The following PKDCC variants were observed in gnomAD, a reference collection of about 807,000 sequenced individuals.
PKDCC encodes protein kinase domain containing, cytoplasmic, also known as extracellular tyrosine-protein kinase PKDCC.
In PKDCC, 35 loss-of-function variants were observed where a neutral mutation model predicts 44.7. The ratio of observed to expected loss-of-function variants is 0.78; its 90% CI spans 0.60 to 1.04. The LOEUF is 1.04. PKDCC is among the 50% of genes least tolerant of loss of function. The probability of loss-of-function intolerance (pLI) is 0.00; values close to 1 mark genes in which losing one functional copy is unlikely to be tolerated. For synonymous variants in PKDCC, 353 were observed against 303.3 expected (o/e 1.16, Z -1.70); for missense variants, 738 against 672.7 (o/e 1.10, Z -1.07).
Position 42,058,126 on chromosome 2 carries a change from G to A in PKDCC, c.*438G>A, listed in dbSNP as rs907144739. The A allele has an allele frequency of 2.3e-5, 4 of 177,244 alleles. No homozygotes were observed. The highest frequency in any genetic ancestry group is 5.7e-5 in the Admixed American group (1 of 17,600). 11.0% of individuals were successfully genotyped at this position (177,244 alleles called of 1,614,324 possible). ...CTGCGTGGGGACAATCCATCGTGGA[G>A]TGTTCTCTCAGCTTAGGTCTGGACA... is the stretch of plus-strand genomic sequence containing the variant. On this transcript the variant is annotated 3_prime_UTR_variant, in exon 7 of 7. Transcript: ENST00000294964. The surrounding 1 kb of genome is among the most constrained non-coding windows in gnomAD (Gnocchi z 4.2).
At position 42,048,206 on chromosome 2, in the gene PKDCC, C is replaced by T. The variant is rs1346687208; in HGVS notation, c.7C>T (p.Arg3Cys). The change falls in exon 1 of 7, where the codon CGC (arginine) becomes TGC (cysteine). Residue 3 changes from arginine (R) to cysteine (C), a missense_variant. Arg to Cys is a radical substitution (Grantham distance 180). Coordinates refer to ENST00000294964, the MANE Select transcript of PKDCC (RefSeq NM_138370.3). The surrounding 1 kb of genome is among the most constrained non-coding windows in gnomAD (Gnocchi z 6.2). ...GGCCGGGGGGAGGGGAGCGATGCGG[C>T]GCCGGCGGGCGGCAGTGGCCGCGGG... MR[R>C]RRAAVAAGFC... 1.7e-6 allele frequency: 2 copies of T among 1,183,050 alleles called. No individual in the cohort carries two copies. Among genetic ancestry groups the T allele is most frequent in the Admixed American group, 3.9e-5 (1 of 25,854 alleles). The allele number at this position is 1,183,050 out of a possible 1,614,324, so 73.3% of individuals were successfully genotyped here.
rs1488419464 is a variant in PKDCC, at chr2:42,054,693, G to A, written c.1035-248G>A. On this transcript the variant is annotated intron_variant, in intron 3 of 6. Transcript: ENST00000294964. The surrounding 1 kb of genome is among the most constrained non-coding windows in gnomAD (Gnocchi z 6.1). ...TCAGGGGATAATGTGGGGCTGGGAG[G>A]TGGGCAAGTCCTGGGAAGGGTTGGG... 26 of 576,266 alleles carry A rather than the reference G, an allele frequency of 4.5e-5. No homozygotes were observed. Among genetic ancestry groups the A allele is most frequent in the Non-Finnish European group, 4.6e-5 (15 of 324,236 alleles). 35.7% of individuals were successfully genotyped at this position (576,266 alleles called of 1,614,324 possible). A position where few individuals can be genotyped will look rare whatever the true frequency, so the allele number is the denominator to read the frequency against.
rs1572762438 is a variant in PKDCC, at chr2:42,055,088, A to T, written c.1114+68A>T. 1 of 1,489,600 alleles carries T rather than the reference A, an allele frequency of 6.7e-7. No homozygotes were observed. Among genetic ancestry groups the T allele is most frequent in the South Asian group, 1.1e-5 (1 of 87,554 alleles). The allele number at this position is 1,489,600 out of a possible 1,614,324, so 92.3% of individuals were successfully genotyped here. ...CCCCCACCCGCCAGCAAAAGTGGGG[A>T]GAAAAATAACCCAGGGCAGCAGGGG... On this transcript the variant is annotated intron_variant, in intron 4 of 6. Coordinates refer to ENST00000294964, the MANE Select transcript of PKDCC (RefSeq NM_138370.3). This position sits in a 1 kb window ranked among gnomAD's most constrained non-coding sequence, Gnocchi z 4.5.
chr2:42,050,107 C>G (rs530533537), intron 1 of PKDCC, among the ~76,000 whole-genome samples: 10 of 152,198 alleles, frequency 6.6e-5, no homozygotes, highest in Non-Finnish European at 1.3e-4. Flanking sequence ...TCCCCCTCCC[C>G]CATCGTATTC....
At position 42,055,829 on chromosome 2, in the gene PKDCC, T is replaced by C. The variant is rs1668045500; in HGVS notation, c.1222+436T>C. ...TATGACACAGCTGGAACGCAGTATATGTTTGCTTCCCTTTCCTTCCTCTAA... is the reference window on the plus strand; with the variant it reads ...TATGACACAGCTGGAACGCAGTATACGTTTGCTTCCCTTTCCTTCCTCTAA... On this transcript the variant is annotated intron_variant, in intron 5 of 6. Coordinates refer to ENST00000294964, the MANE Select transcript of PKDCC (RefSeq NM_138370.3). The surrounding 1 kb of genome is among the most constrained non-coding windows in gnomAD (Gnocchi z 4.5). Among the ~76,000 whole-genome samples the C allele has an allele frequency of 6.6e-6, 1 of 152,186 alleles. No homozygotes were observed. Among genetic ancestry groups the C allele is most frequent in the Non-Finnish European group, 1.5e-5 (1 of 68,026 alleles).
At position 42,048,051 on chromosome 2, in the gene PKDCC, G is replaced by C. The variant is rs535138343; in HGVS notation, c.-149G>C. 203 of 276,220 alleles carry C rather than the reference G, an allele frequency of 7.3e-4. No homozygotes were observed. Among genetic ancestry groups the C allele is most frequent in the African/African-American group, 4.2e-3 (181 of 42,800 alleles). 17.1% of individuals were successfully genotyped at this position (276,220 alleles called of 1,614,324 possible). On this transcript the variant is annotated 5_prime_UTR_variant, in exon 1 of 7. Coordinates refer to ENST00000294964, the MANE Select transcript of PKDCC (RefSeq NM_138370.3). The surrounding 1 kb of genome is among the most constrained non-coding windows in gnomAD (Gnocchi z 6.2). ...AGTGTCAGGCCGATGTGTCGCCCGC[G>C]AGGGGCCGGGGTCGGGGCCGCCGGG...
chr2:42,053,191 C>A, intron 1 of PKDCC, 48 bp from the exon 2 acceptor site: 10 of 862,872 alleles, frequency 1.2e-5, no homozygotes, highest in East Asian at 3.3e-5. Context: ...CCTTCCCTGT[C>A]CCCACCCCCA....
At chr2:42,053,108 C>G (rs1451570016) in intron 1 of PKDCC, 131 bp from the exon 2 acceptor site, 4 of 1,036,752 alleles carry the variant, frequency 3.9e-6, no homozygotes, top group African/African-American at 3.2e-5. Context: ...CGCTGCCATT[C>G]TCTTCTGGCC....
chr2:42,054,118 G>C lies in PKDCC; in HGVS notation c.845G>C (p.Arg282Pro), dbSNP rs755188085. 3.7e-5 allele frequency: 59 copies of C among 1,613,142 alleles called. No homozygotes were observed. The highest frequency in any genetic ancestry group is 4.8e-5 in the Non-Finnish European group (57 of 1,179,858). Residue 282 changes from arginine (R) to proline (P), a missense_variant, in exon 3 of 7, where the codon CGG (arginine) becomes CCG (proline). Physicochemically the swap from Arg to Pro is moderately radical, Grantham distance 103 (BLOSUM62 -2). Transcript: ENST00000294964. This position sits in a 1 kb window ranked among gnomAD's most constrained non-coding sequence, Gnocchi z 6.1. Reference sequence around the variant, plus strand: ...GTCACTCTGCTGGACTTCCGCCCTCGGCAGTTTGTGCTGGTGGATGGGGAG... The same window carrying C: ...GTCACTCTGCTGGACTTCCGCCCTCCGCAGTTTGTGCTGGTGGATGGGGAG... ...GSVTLLDFRP[R>P]QFVLVDGELK...
chr2:42,051,037 T>G lies in PKDCC; in HGVS notation c.639+2199T>G, dbSNP rs1667957923. 6.6e-6 allele frequency among the ~76,000 whole-genome samples: 1 copy of G among 151,780 alleles called. No homozygotes were observed. Among genetic ancestry groups the G allele is most frequent in the Admixed American group, 6.6e-5 (1 of 15,234 alleles). ...GACTGTTTGCTGAACTGGGGAGGAG[T>G]TAGAGAACATTTCTAGAGTTCCTAG... is the stretch of plus-strand genomic sequence containing the variant. On this transcript the variant is annotated intron_variant, in intron 1 of 6. Coordinates refer to ENST00000294964, the MANE Select transcript of PKDCC (RefSeq NM_138370.3). The surrounding 1 kb of genome is among the most constrained non-coding windows in gnomAD (Gnocchi z 4.2).
In PKDCC at chr2:42,048,927, G is replaced by C; in HGVS notation, c.639+89G>C. 2 of 1,343,376 alleles carry C rather than the reference G, an allele frequency of 1.5e-6. No homozygotes were observed. The highest frequency in any genetic ancestry group is 2.7e-5 in the East Asian group (1 of 36,920). 83.2% of individuals were successfully genotyped at this position (1,343,376 alleles called of 1,614,324 possible). ...GGCTGGAAGAGAACCCCTTGATCTG[G>C]AGTGCCAGTGACTGCACCCAGGCTA... On this transcript the variant is annotated intron_variant, in intron 1 of 6. Coordinates refer to ENST00000294964, the MANE Select transcript of PKDCC (RefSeq NM_138370.3). The surrounding 1 kb of genome is among the most constrained non-coding windows in gnomAD (Gnocchi z 6.2).
intron 1 of PKDCC, among the ~76,000 whole-genome samples, chr2:42,050,866 C>G (rs1667956422): frequency 6.6e-6 from 1 of 152,180 alleles, no homozygotes; most frequent in Non-Finnish European, 1.5e-5. Flanking sequence ...CAGTGTCGCT[C>G]TGGCCTCCTA....
rs1186882610 is a variant in PKDCC at position 42,048,219 on chromosome 2, C to A, written c.20C>A (p.Ala7Glu). The change falls in exon 1 of 7, where the codon GCA becomes GAA. Residue 7 changes from alanine to glutamate, a missense_variant. Physicochemically the swap from Ala to Glu is moderately radical, Grantham distance 107 (BLOSUM62 -1). Transcript: ENST00000294964. This position sits in a 1 kb window ranked among gnomAD's most constrained non-coding sequence, Gnocchi z 6.2. ...GGAGCGATGCGGCGCCGGCGGGCGG[C>A]AGTGGCCGCGGGTTTCTGCGCCTCC... MRRRRA[A>E]VAAGFCASFL... The A allele has an allele frequency of 1.6e-6, 2 of 1,214,248 alleles. No individual in the cohort carries two copies. The highest frequency in any genetic ancestry group is 4.5e-5 in the South Asian group (2 of 44,518). 75.2% of individuals were successfully genotyped at this position (1,214,248 alleles called of 1,614,324 possible). A position where few individuals can be genotyped will look rare whatever the true frequency, so the allele number is the denominator to read the frequency against.
chr2:42,048,465 A>G lies in PKDCC; in HGVS notation c.266A>G (p.Asp89Gly). The change falls in exon 1 of 7, where the codon GAC becomes GGC. Residue 89 changes from aspartate (D) to glycine (G), a missense_variant. Physicochemically the swap from Asp to Gly is moderately conservative, Grantham distance 94 (BLOSUM62 -1). Transcript: ENST00000294964. This position sits in a 1 kb window ranked among gnomAD's most constrained non-coding sequence, Gnocchi z 6.2. ...CGGCCGGAGCGGCGGCGCCTGATGG[A>G]CCTGGCTCCGGGCGGGCCCGGCCTG... is the stretch of plus-strand genomic sequence containing the variant. Reference protein sequence around the residue: ...AGRPERRRLMDLAPGGPGLPR... With the variant: ...AGRPERRRLMGLAPGGPGLPR... 9.4e-7 allele frequency: 1 copy of G among 1,064,516 alleles called. No individual in the cohort carries two copies. The highest frequency in any genetic ancestry group is 4.3e-5 in the South Asian group (1 of 23,384). 65.9% of individuals were successfully genotyped at this position (1,064,516 alleles called of 1,614,324 possible).
chr2:42,049,921 C>T lies in PKDCC; in HGVS notation c.639+1083C>T, dbSNP rs1667938962. ...AAATCTTGCACACACCTTCCACCTACCAGCCCACTCAAACTAACCTTTCTG... is the reference window on the plus strand; with the variant it reads ...AAATCTTGCACACACCTTCCACCTATCAGCCCACTCAAACTAACCTTTCTG... On this transcript the variant is annotated intron_variant, in intron 1 of 6. Coordinates refer to ENST00000294964, the MANE Select transcript of PKDCC (RefSeq NM_138370.3). Among the ~76,000 whole-genome samples, 9 of 152,342 alleles carry T rather than the reference C, an allele frequency of 5.9e-5. No individual in the cohort carries two copies. The South Asian group carries it at 1.9e-3, about 32-fold the overall frequency.
intron 1 of PKDCC, among the ~76,000 whole-genome samples, chr2:42,049,509 G>A (rs1667933001): frequency 2.0e-5 from 3 of 152,158 alleles, no homozygotes; most frequent in African/African-American, 7.2e-5. Context: ...AGCCCCTGGA[G>A]AAGCCTGAAG....
intron 5 of PKDCC, among the ~76,000 whole-genome samples, chr2:42,056,719 GTGTCACTGCACTC>G (rs1668062271): frequency 6.6e-6 from 1 of 151,334 alleles, no homozygotes. Flanking sequence ...AGCTATGATT[GTGTCACTGCACTC>G]TAGTCTAGGC....
intron 1 of PKDCC, among the ~76,000 whole-genome samples, chr2:42,050,761 T>C (rs988308978): frequency 6.6e-6 from 1 of 152,092 alleles, no homozygotes; most frequent in East Asian, 1.9e-4. Context: ...AGGTCCTTTC[T>C]ACCCAGGAAA....
chr2:42,056,156 G>C (rs148018844), intron 5 of PKDCC, among the ~76,000 whole-genome samples: 2 of 152,262 alleles, frequency 1.3e-5, no homozygotes, highest in African/African-American at 4.8e-5. Context: ...ATCACAGTCA[G>C]CCCTGGACTT....
Sources: allele counts gnomAD v4.1 joint callset (sites outside exome capture counted in the v4.1 genomes callset), GRCh38; gene constraint gnomAD v4.1.1; non-coding constraint Gnocchi (gnomAD v3.1); transcripts MANE v1.5; gene names NCBI Gene and HGNC (gene_info 2026-07-23, HGNC 2026-07-21).